VAV3: variants seen among roughly 807,000 people sequenced by gnomAD.
VAV3 encodes guanine nucleotide exchange factor VAV3.
VAV3 carries 94 observed loss-of-function variants against 131.2 expected under a neutral mutation model. That is an observed-to-expected ratio of 0.72 (90% confidence interval 0.61 to 0.85). The LOEUF is 0.85. Ranked by LOEUF, VAV3 falls within the 40% of genes least tolerant of loss-of-function variation. The pLI, the probability that VAV3 is intolerant of heterozygous loss-of-function variation, is 0.00. For synonymous variants in VAV3, 349 were observed against 342.0 expected (o/e 1.02, Z -0.22); for missense variants, 939 against 1,002.7 (o/e 0.94, Z 0.86).
intron 25 of VAV3, among the ~76,000 whole-genome samples, chr1:107,582,304 G>A (rs1484230677): frequency 2.6e-5 from 4 of 152,040 alleles, no homozygotes; most frequent in Admixed American, 2.0e-4. Flanking sequence ...CAGGCATATC[G>A]TTTTAGATGC....
chr1:107,753,549 T>TATATATATATACACACACAC (rs771773884), intron 12 of VAV3, among the ~76,000 whole-genome samples: 3 of 82,014 alleles, frequency 3.7e-5, no homozygotes, highest in Admixed American at 2.5e-4. Context: ...TATATATATA[T>TATATATATATACACACACAC]ACACACACAC....
chr1:107,597,740 A>C (rs746670965), intron 24 of VAV3, among the ~76,000 whole-genome samples: 5 of 152,200 alleles, frequency 3.3e-5, no homozygotes, highest in Non-Finnish European at 7.3e-5. Flanking sequence ...GCATTGGATA[A>C]GGGAAATGGC....
At chr1:107,944,590 C>G (rs1339470844) in intron 1 of VAV3, among the ~76,000 whole-genome samples, 1 of 151,740 alleles carries the variant, frequency 6.6e-6, no homozygotes, top group Non-Finnish European at 1.5e-5. Flanking sequence ...TCTGAATGAA[C>G]AAAACGCAGT....
At chr1:107,668,295 A>G (rs1657549051) in intron 19 of VAV3, among the ~76,000 whole-genome samples, 1 of 152,222 alleles carries the variant, frequency 6.6e-6, no homozygotes, top group Non-Finnish European at 1.5e-5. Flanking sequence ...TTAAAAACAT[A>G]CAATGCTTCT....
intron 15 of VAV3, among the ~76,000 whole-genome samples, chr1:107,712,891 C>T (rs1021579916): frequency 6.6e-6 from 1 of 152,050 alleles, no homozygotes; most frequent in East Asian, 1.9e-4. Flanking sequence ...ATGACCTTGT[C>T]GGTGTATTAC....
chr1:107,813,590 T>C (rs568814007), intron 2 of VAV3, among the ~76,000 whole-genome samples: 3 of 152,236 alleles, frequency 2.0e-5, no homozygotes, highest in Non-Finnish European at 2.9e-5. Context: ...CTCAAACATT[T>C]ATAATTTCTA....
intron 1 of VAV3, among the ~76,000 whole-genome samples, chr1:107,888,335 A>G (rs1671140023): frequency 6.6e-6 from 1 of 152,208 alleles, no homozygotes; most frequent in Admixed American, 6.5e-5. Flanking sequence ...CAGATCAGCA[A>G]AACACGTAGC....
At chr1:107,707,432 G>A (rs185033706) in intron 15 of VAV3, among the ~76,000 whole-genome samples, 12 of 152,304 alleles carry the variant, frequency 7.9e-5, no homozygotes, top group Middle Eastern at 3.4e-3. Context: ...TATATGTAAC[G>A]TGCTTAGAAC....
chr1:107,951,869 G>A (rs992315640), intron 1 of VAV3, among the ~76,000 whole-genome samples: 15 of 151,986 alleles, frequency 9.9e-5, no homozygotes, highest in African/African-American at 3.4e-4. Context: ...TACACTGTTG[G>A]TGGGAGTGTA....
intron 15 of VAV3, among the ~76,000 whole-genome samples, chr1:107,720,187 T>G (rs1024956915): frequency 6.6e-6 from 1 of 151,868 alleles, no homozygotes; most frequent in Non-Finnish European, 1.5e-5. Context: ...TGTGCACATG[T>G]ACCCTAAAAC....
intron 19 of VAV3, among the ~76,000 whole-genome samples, chr1:107,671,605 G>C (rs1338563082): frequency 6.6e-6 from 1 of 152,146 alleles, no homozygotes; most frequent in Non-Finnish European, 1.5e-5. Flanking sequence ...AGGAGCAGCA[G>C]AGTAAATTAA....
At chr1:107,835,079 TA>T (rs1441866285) in intron 2 of VAV3, among the ~76,000 whole-genome samples, 1 of 152,166 alleles carries the variant, frequency 6.6e-6, no homozygotes, top group African/African-American at 2.4e-5. Flanking sequence ...CAAGTAGCTG[TA>T]ACCCCTGCTG....
At chr1:107,609,857 C>G in intron 22 of VAV3, 74 bp downstream of exon 22, 2 of 1,434,496 alleles carry the variant, frequency 1.4e-6, no homozygotes, top group South Asian at 1.2e-5. Context: ...GGTTTACTAC[C>G]CCCACATTTA....
Position 107,573,264 on chromosome 1 carries a change from G to A in VAV3, c.*67C>T, listed in dbSNP as rs927349946. 7 of 1,560,202 alleles carry A rather than the reference G, an allele frequency of 4.5e-6. No homozygotes were observed. Among genetic ancestry groups the A allele is most frequent in the Non-Finnish European group, 6.1e-6 (7 of 1,142,194 alleles). The stretch of plus-strand genomic sequence containing the variant: ...TTAAACACTTCAGTTAATTCACGAT[G>A]CTGTGCAGGCTTCTATTTATCCCTT... On this transcript the variant is annotated 3_prime_UTR_variant, in exon 27 of 27. Transcript: ENST00000370056.
chr1:107,683,120 T>A (rs1301314347), intron 19 of VAV3, among the ~76,000 whole-genome samples: 2 of 152,184 alleles, frequency 1.3e-5, no homozygotes, highest in Non-Finnish European at 2.9e-5. Flanking sequence ...GTTTATGCTC[T>A]CCCCTACTTA....
At chr1:107,871,932 G>A (rs914413534) in intron 2 of VAV3, among the ~76,000 whole-genome samples, 1 of 152,076 alleles carries the variant, frequency 6.6e-6, no homozygotes, top group African/African-American at 2.4e-5. Flanking sequence ...ACCACCACTG[G>A]GCTGCAGACT....
At chr1:107,684,859 A>G (rs1658907522) in intron 18 of VAV3, among the ~76,000 whole-genome samples, 1 of 152,252 alleles carries the variant, frequency 6.6e-6, no homozygotes, top group South Asian at 2.1e-4. Flanking sequence ...TAAAGAAAAA[A>G]TCTTTTCTGT....
chr1:107,730,015 C>A (rs1662121586), intron 15 of VAV3, among the ~76,000 whole-genome samples: 2 of 152,106 alleles, frequency 1.3e-5, no homozygotes, highest in Non-Finnish European at 2.9e-5. Context: ...CCACCATCGA[C>A]CAATGGAATA....
intron 19 of VAV3, among the ~76,000 whole-genome samples, chr1:107,675,284 GCTAAA>G (rs1178859212): frequency 2.0e-5 from 3 of 152,176 alleles, no homozygotes; most frequent in Non-Finnish European, 2.9e-5. Context: ...CTTAGTATGT[GCTAAA>G]CTTGGTTGAT....
Sources: gnomAD v4.1 joint callset for allele counts (sites outside exome capture counted in the v4.1 genomes callset) on GRCh38, gnomAD v4.1.1 for gene constraint, MANE v1.5 for transcripts, NCBI Gene and HGNC (gene_info 2026-07-23, HGNC 2026-07-21) for gene names.